The following TET1 variants were observed in gnomAD, a reference collection of about 807,000 sequenced individuals.
The protein encoded by TET1 is methylcytosine dioxygenase TET1.
In TET1, 13 loss-of-function variants were observed where a neutral mutation model predicts 148.7. The observed-to-expected ratio is 0.09, with a 90% CI of 0.06 to 0.14. The LOEUF is 0.14. Among genes scored for constraint, TET1 ranks in the 10% least tolerant of loss-of-function variants. The pLI, the probability that TET1 is intolerant of heterozygous loss-of-function variation, is 1.00. For missense variants in TET1, 2,182 were observed against 2,553.8 expected, an observed-to-expected ratio of 0.85 and a Z score of 3.14; for synonymous variants, 907 against 937.2, an observed-to-expected ratio of 0.97 and a Z score of 0.59.
intron 6 of TET1, among the ~76,000 whole-genome samples, chr10:68,656,598 C>T (rs1324712051): frequency 5.3e-5 from 8 of 152,218 alleles, no homozygotes; most frequent in Non-Finnish European, 8.8e-5. Context: ...TTTTTCCAAA[C>T]TTTCCAGGTT....
rs953893832 is a variant in TET1, at chr10:68,693,892, A to G, written c.*2078A>G. On this transcript the variant is annotated 3_prime_UTR_variant, in exon 12 of 12. Coordinates refer to ENST00000373644, the MANE Select transcript of TET1 (RefSeq NM_030625.3). ...TTTATGGCTCTTTATGCATCCACTC[A>G]TCTACTCATTCTTCGAGTCTACACT... is the stretch of plus-strand genomic sequence containing the variant. The G allele has an allele frequency of 8.2e-5, 19 of 231,140 alleles. No homozygotes were observed. The East Asian group carries it at 1.2e-3, about 14-fold the overall frequency. The allele number at this position is 231,140 out of a possible 1,614,324, so 14.3% of individuals were successfully genotyped here.
chr10:68,569,617 G>A (rs2053644671), intron 1 of TET1, among the ~76,000 whole-genome samples: 1 of 151,420 alleles, frequency 6.6e-6, no homozygotes, highest in Non-Finnish European at 1.5e-5. Flanking sequence ...TGGGATTTAA[G>A]CTTTAAAACA....
chr10:68,632,600 G>A (rs1222697658), intron 3 of TET1: 1 of 1,583,526 alleles, frequency 6.3e-7, no homozygotes, highest in Non-Finnish European at 8.7e-7. Context: ...TGGTTTCACT[G>A]TAGGTATAAT....
At chr10:68,577,000 C>G (rs944395186) in intron 2 of TET1, among the ~76,000 whole-genome samples, 13 of 152,124 alleles carry the variant, frequency 8.5e-5, no homozygotes, top group East Asian at 7.7e-4. Flanking sequence ...GCTCTGCCTC[C>G]TGGGTTCACG....
chr10:68,592,208 C>T (rs1044469995), intron 2 of TET1, among the ~76,000 whole-genome samples: 11 of 151,584 alleles, frequency 7.3e-5, no homozygotes, highest in African/African-American at 2.7e-4. Context: ...CCCAGCTACT[C>T]GGGAGGCTGA....
rs1407903331 is a variant in TET1, at chr10:68,628,080, G to T, written c.1969-16618G>T. On this transcript the variant is annotated intron_variant, in intron 3 of 11. Coordinates refer to ENST00000373644, the MANE Select transcript of TET1 (RefSeq NM_030625.3). ...TGGCGTGATCTCGGCTCACTTGGCT[G>T]GGATTATAGGCACCCACCAACACGC... Among the ~76,000 whole-genome samples, 5 of 152,080 alleles carry T rather than the reference G, an allele frequency of 3.3e-5. No homozygotes were observed. The East Asian group carries it at 9.6e-4, about 29-fold the overall frequency.
At chr10:68,619,241 C>A (rs866603515) in intron 3 of TET1, among the ~76,000 whole-genome samples, 1 of 151,902 alleles carries the variant, frequency 6.6e-6, no homozygotes, top group Non-Finnish European at 1.5e-5. Flanking sequence ...CCGTTATTCT[C>A]TTTTTTTGAG....
At chr10:68,624,538 C>G (rs1274862679) in intron 3 of TET1, among the ~76,000 whole-genome samples, 1 of 152,136 alleles carries the variant, frequency 6.6e-6, no homozygotes, top group Non-Finnish European at 1.5e-5. Flanking sequence ...ATCTGCCCAC[C>G]TCAGCCTCCC....
intron 3 of TET1, among the ~76,000 whole-genome samples, chr10:68,623,243 C>A (rs1178256064): frequency 6.6e-6 from 1 of 152,140 alleles, no homozygotes; most frequent in Admixed American, 6.6e-5. Flanking sequence ...AATGGAAATT[C>A]TACTGTAAAA....
chr10:68,647,488 C>T (rs1459215233), intron 4 of TET1, among the ~76,000 whole-genome samples: 1 of 151,970 alleles, frequency 6.6e-6, no homozygotes, highest in African/African-American at 2.4e-5. Flanking sequence ...CCTGCAATCC[C>T]AGCTACTCGG....
In TET1 at chr10:68,672,370, C is replaced by CT. The variant is rs113034935; in HGVS notation, c.4674-524dup. Among the ~76,000 whole-genome samples, 190 of 151,066 alleles carry CT rather than the reference C, an allele frequency of 1.3e-3. 1 individual carries two copies. The highest frequency in any genetic ancestry group is 4.3e-3 in the African/African-American group (178 of 41,184). On this transcript the variant is annotated intron_variant, in intron 7 of 11. Coordinates refer to ENST00000373644, the MANE Select transcript of TET1 (RefSeq NM_030625.3). ...GGGCGTGGTGGCGCACACCTGTAAT[C>CT]TCGGCTACTCAGGAGGCTGAAGCAG... is the stretch of plus-strand genomic sequence containing the variant.
At chr10:68,664,991 C>T (rs1054080805) in intron 6 of TET1, among the ~76,000 whole-genome samples, 2 of 151,844 alleles carry the variant, frequency 1.3e-5, no homozygotes, top group African/African-American at 2.4e-5. Flanking sequence ...AGGCTGGCCT[C>T]GAACTCTTGG....
chr10:68,586,484 C>CTTTT (rs1332322213), intron 2 of TET1, among the ~76,000 whole-genome samples: 5 of 29,806 alleles, frequency 1.7e-4, no homozygotes, highest in South Asian at 2.0e-3. Context: ...AGCCAGCTAA[C>CTTTT]GTTTTTTTTT....
chr10:68,614,836 C>T (rs1389463451), intron 3 of TET1, among the ~76,000 whole-genome samples: 3 of 152,042 alleles, frequency 2.0e-5, no homozygotes, highest in Admixed American at 6.6e-5. Context: ...TCAAGCAATC[C>T]GCCCACCTTG....
At chr10:68,653,885 T>C (rs1051435241) in intron 6 of TET1, among the ~76,000 whole-genome samples, 3 of 151,954 alleles carry the variant, frequency 2.0e-5, no homozygotes, top group African/African-American at 7.2e-5. Context: ...GGTGGGCAGA[T>C]CACCAGAGGT....
At chr10:68,660,189 C>A (rs934405064) in intron 6 of TET1, among the ~76,000 whole-genome samples, 1 of 152,008 alleles carries the variant, frequency 6.6e-6, no homozygotes, top group Non-Finnish European at 1.5e-5. Context: ...CCTTTGGAAA[C>A]CTTACAAATA....
At position 68,573,879 on chromosome 10, in the gene TET1, G is replaced by T. The variant is rs1421498642; in HGVS notation, c.1541G>T (p.Gly514Val). ...AGCTTCCTGCCAGCTAACACTCAGG[G>T]GTTCCCATTAGCCCCTGAGAGAGGA... is the stretch of plus-strand genomic sequence containing the variant. ...HISFLPANTQ[G>V]FPLAPERGLF... Residue 514 changes from glycine to valine, a missense_variant, in exon 2 of 12, where the codon GGG (glycine) becomes GTG (valine). Physicochemically the swap from Gly to Val is moderately radical, Grantham distance 109. This residue lies in a region of TET1 where 665 missense variants were observed against 672.4 expected (regional missense o/e 0.99). Coordinates refer to ENST00000373644, the MANE Select transcript of TET1 (RefSeq NM_030625.3). 1.2e-6 allele frequency: 2 copies of T among 1,614,002 alleles called. No homozygotes were observed. The highest frequency in any genetic ancestry group is 2.7e-5 in the African/African-American group (2 of 74,898).
rs563845000 is a variant in TET1, at chr10:68,628,718, C to G, written c.1969-15980C>G. The stretch of plus-strand genomic sequence containing the variant: ...TGGGGCTGCTGGACCGGGGAAGGAT[C>G]GAATAACAAGGGCATTCTAGGACTT... On this transcript the variant is annotated intron_variant, in intron 3 of 11. Coordinates refer to ENST00000373644, the MANE Select transcript of TET1 (RefSeq NM_030625.3). Among the ~76,000 whole-genome samples, 9 of 152,216 alleles carry G rather than the reference C, an allele frequency of 5.9e-5. No individual in the cohort carries two copies. The South Asian group carries it at 1.2e-3, about 21-fold the overall frequency.
In TET1 at chr10:68,573,919, A is replaced by G. The variant is rs2053700004; in HGVS notation, c.1581A>G (p.Ser527=). 1.2e-6 allele frequency: 2 copies of G among 1,614,154 alleles called. No individual in the cohort carries two copies. Among genetic ancestry groups the G allele is most frequent in the Non-Finnish European group, 1.7e-6 (2 of 1,180,036 alleles). Residue 527 remains serine, a synonymous_variant, in exon 2 of 12, where the codon TCA becomes TCG. Coordinates refer to ENST00000373644, the MANE Select transcript of TET1 (RefSeq NM_030625.3). ...CTGAGAGAGGACTCTTCCATGCTTCACTGGGTATAGCCCAACTCTCTCAGG... is the reference window on the plus strand; with the variant it reads ...CTGAGAGAGGACTCTTCCATGCTTCGCTGGGTATAGCCCAACTCTCTCAGG... The part of the protein sequence containing the change: ...LAPERGLFHA[S]LGIAQLSQAG...
Sources: allele counts gnomAD v4.1 joint callset (sites outside exome capture counted in the v4.1 genomes callset), GRCh38; gene constraint gnomAD v4.1.1; regional missense constraint gnomAD v4.1.1; transcripts MANE v1.5; gene names NCBI Gene and HGNC (gene_info 2026-07-23, HGNC 2026-07-21).